Variants in NKIRAS1 observed in about 807,000 individuals in gnomAD.
The protein encoded by NKIRAS1 is NFKB inhibitor interacting Ras like 1.
Under a neutral mutation model 19.8 loss-of-function variants are expected in NKIRAS1, and 16 were observed. The ratio of observed to expected loss-of-function variants is 0.81; its 90% confidence interval spans 0.55 to 1.23. The LOEUF is 1.23. Among genes scored for constraint, NKIRAS1 ranks in the 50% most tolerant of loss-of-function variants. The pLI is 0.00. For synonymous variants in NKIRAS1, 88 were observed against 79.0 expected (o/e 1.11, Z -0.61); for missense variants, 184 against 220.0 (o/e 0.84, Z 1.04).
intron 1 of NKIRAS1, chr3:23,945,485 T>G: frequency 1.3e-6 from 1 of 793,406 alleles, no homozygotes; most frequent in East Asian, 6.7e-5. Flanking sequence ...CCACCGCTGC[T>G]TCCAGCCCGG....
chr3:23,905,813 G>C (rs75080966), intron 3 of NKIRAS1, among the ~76,000 whole-genome samples: 15 of 150,102 alleles, frequency 1.0e-4, no homozygotes, highest in African/African-American at 3.7e-4. Flanking sequence ...AAAAAAAAAG[G>C]TATAAGCCAA....
chr3:23,908,774 C>T (rs1703330759), intron 3 of NKIRAS1, among the ~76,000 whole-genome samples: 1 of 152,022 alleles, frequency 6.6e-6, no homozygotes, highest in African/African-American at 2.4e-5. Context: ...TGTGATTCTC[C>T]CACCCCAGCA....
chr3:23,931,945 A>G (rs1705325191), intron 1 of NKIRAS1, among the ~76,000 whole-genome samples: 1 of 152,222 alleles, frequency 6.6e-6, no homozygotes, highest in Non-Finnish European at 1.5e-5. Context: ...GATGCTTATT[A>G]TTAGTCAGCA....
At chr3:23,946,170 G>GCCCGCTGAGCC in intron 1 of NKIRAS1, 1 of 985,212 alleles carries the variant, frequency 1.0e-6, no homozygotes. Context: ...GCGCGTGCGC[G>GCCCGCTGAGCC]CCCGCTGAGC....
At chr3:23,907,161 T>C (rs1703148568) in intron 3 of NKIRAS1, among the ~76,000 whole-genome samples, 1 of 152,230 alleles carries the variant, frequency 6.6e-6, no homozygotes, top group Non-Finnish European at 1.5e-5. Flanking sequence ...CCCAAAGTGC[T>C]GGGATTACAG....
upstream of NKIRAS1, chr3:23,917,690 G>C (rs2125250135): frequency 1.5e-6 from 1 of 665,432 alleles, no homozygotes; most frequent in Non-Finnish European, 2.5e-6. Flanking sequence ...CTCCGTGGGC[G>C]CAGTGGTGGG....
Position 23,927,450 on chromosome 3 carries a change from A to C in NKIRAS1, c.-139-16000T>G, listed in dbSNP as rs1023630392. 6.6e-6 allele frequency among the ~76,000 whole-genome samples: 1 copy of C among 152,356 alleles called. No individual in the cohort carries two copies. The highest frequency in any genetic ancestry group is 3.4e-3 in the Middle Eastern group (1 of 294). On this transcript the variant is annotated intron_variant, in intron 1 of 4. Transcript: ENST00000421515. This position sits in a 1 kb window ranked among gnomAD's most constrained non-coding sequence, Gnocchi z 4.0. ...CCTCATAATCAAAGCATTCAAACTT[A>C]ACGAAATGCTGTAGCTGGAATGCAC...
At chr3:23,944,807 C>G (rs957832697) in intron 1 of NKIRAS1, among the ~76,000 whole-genome samples, 1 of 124,530 alleles carries the variant, frequency 8.0e-6, no homozygotes, top group African/African-American at 3.1e-5. Context: ...CCTCAGAGAC[C>G]AGCGTTTGGA....
chr3:23,896,946 T>G (rs1180801398), intron 4 of NKIRAS1, among the ~76,000 whole-genome samples: 1 of 151,518 alleles, frequency 6.6e-6, no homozygotes, highest in Non-Finnish European at 1.5e-5. Flanking sequence ...TGGCTCACAC[T>G]CATAATCCCA....
At position 23,946,253 on chromosome 3, in the gene NKIRAS1, G is replaced by C. The variant is rs1044062093; in HGVS notation, c.-140+70C>G. The C allele has an allele frequency of 5.1e-6, 5 of 985,354 alleles. No homozygotes were observed. The African/African-American group carries it at 8.7e-5, about 17-fold the overall frequency. The allele number at this position is 985,354 out of a possible 1,614,324, so 61.0% of individuals were successfully genotyped here. ...CGGACGCCGCACGCTCTTTTCGCGA[G>C]GTGACCCCAAGGCGCGGACCCCGCG... On this transcript the variant is annotated intron_variant, in intron 1 of 4. Transcript: ENST00000421515.
intron 1 of NKIRAS1, among the ~76,000 whole-genome samples, chr3:23,924,746 T>A (rs1705181565): frequency 6.6e-6 from 1 of 152,216 alleles, no homozygotes; most frequent in South Asian, 2.1e-4. Flanking sequence ...GAATAAATTC[T>A]TCAAATTTCA....
intron 1 of NKIRAS1, among the ~76,000 whole-genome samples, chr3:23,936,997 G>C (rs1422596141): frequency 6.6e-6 from 1 of 152,204 alleles, no homozygotes; most frequent in Non-Finnish European, 1.5e-5. Context: ...GTGGAGGAGA[G>C]CTCCTGATAA....
In NKIRAS1 at chr3:23,900,894, G is replaced by A; in HGVS notation, c.250C>T (p.Leu84Phe). The A allele has an allele frequency of 6.2e-7, 1 of 1,614,002 alleles. No individual in the cohort carries two copies. Among genetic ancestry groups the A allele is most frequent in the Non-Finnish European group, 8.5e-7 (1 of 1,179,940 alleles). The change falls in exon 4 of 5, where the codon CTT becomes TTT. Residue 84 changes from leucine to phenylalanine, a missense_variant. Physicochemically the swap from Leu to Phe is conservative, Grantham distance 22. Coordinates refer to ENST00000425478, the MANE Select transcript of NKIRAS1 (RefSeq NM_020345.4). Reference protein sequence around the residue: ...HYFSFADGFVLVYSVNNLESF... With the variant: ...HYFSFADGFVFVYSVNNLESF... ...TCAAGGTTATTCACACTGTACACAA[G>A]AACGAAGCCATCAGCAAATGAAAAA... is the stretch of plus-strand genomic sequence containing the variant.
chr3:23,940,902 A>G (rs1705483131), intron 1 of NKIRAS1, among the ~76,000 whole-genome samples: 1 of 152,196 alleles, frequency 6.6e-6, no homozygotes, highest in African/African-American at 2.4e-5. Flanking sequence ...TGCCAGAGCT[A>G]TTTGTTGCTA....
At chr3:23,904,896 G>A (rs1191164720) in intron 3 of NKIRAS1, among the ~76,000 whole-genome samples, 2 of 152,166 alleles carry the variant, frequency 1.3e-5, no homozygotes, top group Non-Finnish European at 2.9e-5. Flanking sequence ...TAACCCAAAT[G>A]TTCATGAAGA....
chr3:23,930,204 G>T (rs1304226806), intron 1 of NKIRAS1, among the ~76,000 whole-genome samples: 3 of 152,162 alleles, frequency 2.0e-5, no homozygotes. Context: ...GGTATTTGCT[G>T]ATTCTAGAAG....
chr3:23,920,427 C>T (rs1344061887), upstream of NKIRAS1: 1 of 985,368 alleles, frequency 1.0e-6, no homozygotes, highest in Non-Finnish European at 1.2e-6. Flanking sequence ...TTGTTCTGGC[C>T]AAACAACCCT....
intron 1 of NKIRAS1, chr3:23,946,083 C>G (rs1050882772): frequency 2.0e-6 from 2 of 984,508 alleles, no homozygotes; most frequent in Non-Finnish European, 2.4e-6. Flanking sequence ...GAGGCTCCGC[C>G]CCTTTGGAAG....
chr3:23,903,219 T>A lies in NKIRAS1; in HGVS notation c.95-2170A>T, dbSNP rs113059931. Reference sequence around the variant, plus strand: ...GCCTCAACCTCCTGGGCTCAAGCGATCCTCCCACCTCAGCCCTTCAAGTAG... The same window carrying A: ...GCCTCAACCTCCTGGGCTCAAGCGAACCTCCCACCTCAGCCCTTCAAGTAG... On this transcript the variant is annotated intron_variant, in intron 3 of 4. Coordinates refer to ENST00000425478, the MANE Select transcript of NKIRAS1 (RefSeq NM_020345.4). Among the ~76,000 whole-genome samples, 901 of 152,272 alleles carry A rather than the reference T, an allele frequency of 5.9e-3. 17 individuals carry two copies. Among genetic ancestry groups the A allele is most frequent in the East Asian group, 0.049 (254 of 5,166 alleles).
Sources: allele counts gnomAD v4.1 joint callset (sites outside exome capture counted in the v4.1 genomes callset), GRCh38; gene constraint gnomAD v4.1.1; non-coding constraint Gnocchi (gnomAD v3.1); transcripts MANE v1.5; gene names NCBI Gene and HGNC (gene_info 2026-07-23, HGNC 2026-07-21).